CSMD1: variants seen among roughly 807,000 people sequenced by gnomAD.
CSMD1 encodes the protein CUB and sushi domain-containing protein 1.
A neutral mutation model predicts 417.5 loss-of-function variants in CSMD1; 213 were observed. The ratio of observed to expected loss-of-function variants is 0.51; its 90% confidence interval spans 0.46 to 0.57. CSMD1 has a LOEUF of 0.57. CSMD1 is among the 20% of genes least tolerant of loss of function. The pLI, the probability that CSMD1 is intolerant of heterozygous loss-of-function variation, is 0.00. For synonymous variants in CSMD1, 2,862 were observed against 1,736.8 expected (o/e 1.65, Z -16.11); for missense variants, 6,923 against 4,529.7 (o/e 1.53, Z -15.17).
chr8:4,933,688 T>C (rs1033220939), intron 1 of CSMD1, among the ~76,000 whole-genome samples: 1 of 152,208 alleles, frequency 6.6e-6, no homozygotes, highest in African/African-American at 2.4e-5. Context: ...GAAGGAAAGA[T>C]AAATGGATGG....
intron 1 of CSMD1, among the ~76,000 whole-genome samples, chr8:4,900,074 TC>T (rs1804767194): frequency 6.6e-6 from 1 of 152,168 alleles, no homozygotes; most frequent in African/African-American, 2.4e-5. Context: ...CTCTGGTAGT[TC>T]CTTCTGCTTC....
intron 3 of CSMD1, among the ~76,000 whole-genome samples, chr8:4,290,893 C>T (rs1797323779): frequency 6.6e-6 from 1 of 152,202 alleles, no homozygotes; most frequent in Admixed American, 6.5e-5. Flanking sequence ...AATGTCAGCT[C>T]TCTGTAATTC....
intron 25 of CSMD1, among the ~76,000 whole-genome samples, chr8:3,297,825 A>C (rs1804084813): frequency 6.6e-6 from 1 of 152,074 alleles, no homozygotes; most frequent in African/African-American, 2.4e-5. Flanking sequence ...ATATAGTTTA[A>C]AAATTTGCTA....
At chr8:3,574,260 A>G (rs540827998) in intron 10 of CSMD1, among the ~76,000 whole-genome samples, 6 of 152,334 alleles carry the variant, frequency 3.9e-5, no homozygotes, top group Admixed American at 2.0e-4. Flanking sequence ...TCTTTTCTTG[A>G]TATGGAGTCT....
chr8:4,934,000 T>G (rs564005829), intron 1 of CSMD1, among the ~76,000 whole-genome samples: 35 of 74,578 alleles, frequency 4.7e-4, no homozygotes, highest in Non-Finnish European at 1.3e-3. Flanking sequence ...CGTTTATGCT[T>G]TTTTTTTAAA....
intron 6 of CSMD1, among the ~76,000 whole-genome samples, chr8:3,715,900 A>C (rs1290355556): frequency 6.6e-6 from 1 of 152,184 alleles, no homozygotes; most frequent in Non-Finnish European, 1.5e-5. Flanking sequence ...CTTTCCCTCC[A>C]CATTCCTCTG....
At chr8:4,599,570 A>C (rs1474937867) in intron 2 of CSMD1, among the ~76,000 whole-genome samples, 1 of 152,148 alleles carries the variant, frequency 6.6e-6, no homozygotes, top group Non-Finnish European at 1.5e-5. Context: ...CTCATTGATA[A>C]GTTACGTCAA....
At chr8:4,124,905 T>C (rs1249986955) in intron 3 of CSMD1, among the ~76,000 whole-genome samples, 1 of 152,150 alleles carries the variant, frequency 6.6e-6, no homozygotes, top group East Asian at 1.9e-4. Context: ...TAAGGAGATA[T>C]AAGCATAAGA....
intron 5 of CSMD1, among the ~76,000 whole-genome samples, chr8:3,824,503 G>C (rs1427239546): frequency 1.3e-5 from 2 of 152,278 alleles, no homozygotes; most frequent in Admixed American, 6.5e-5. Context: ...CTAGCCATAA[G>C]CAGCCACGAC....
At chr8:4,175,131 G>T (rs950483802) in intron 3 of CSMD1, among the ~76,000 whole-genome samples, 1 of 151,982 alleles carries the variant, frequency 6.6e-6, no homozygotes, top group Non-Finnish European at 1.5e-5. Context: ...CTGAGGAATA[G>T]TGTAAGACCT....
chr8:4,045,873 A>T (rs1798122202), intron 3 of CSMD1, among the ~76,000 whole-genome samples: 1 of 151,666 alleles, frequency 6.6e-6, no homozygotes, highest in African/African-American at 2.4e-5. Flanking sequence ...TTTTTTTTTT[A>T]ATTAGAGTTT....
chr8:4,811,353 T>A (rs1465181150), intron 1 of CSMD1, among the ~76,000 whole-genome samples: 1 of 152,178 alleles, frequency 6.6e-6, no homozygotes, highest in East Asian at 1.9e-4. Flanking sequence ...CTACCTTGAG[T>A]ATTGGCCCCC....
intron 25 of CSMD1, among the ~76,000 whole-genome samples, chr8:3,291,762 C>T (rs747315944): frequency 2.0e-5 from 3 of 152,010 alleles, no homozygotes; most frequent in Non-Finnish European, 2.9e-5. Flanking sequence ...TTTTGTTGAT[C>T]TGTCCAAAAA....
intron 10 of CSMD1, among the ~76,000 whole-genome samples, chr8:3,494,771 G>C (rs1205999267): frequency 1.3e-5 from 2 of 152,124 alleles, no homozygotes; most frequent in East Asian, 1.9e-4. Context: ...AGGGACAGGA[G>C]GAACAGAAAC....
intron 5 of CSMD1, among the ~76,000 whole-genome samples, chr8:3,777,729 C>A (rs1186069642): frequency 6.6e-6 from 1 of 152,166 alleles, no homozygotes; most frequent in East Asian, 1.9e-4. Flanking sequence ...TCTCAGGCCA[C>A]ACTCCAGACC....
chr8:3,212,650 G>T (rs981844667), intron 30 of CSMD1, among the ~76,000 whole-genome samples: 2 of 151,954 alleles, frequency 1.3e-5, no homozygotes, highest in South Asian at 4.2e-4. Flanking sequence ...CACTACACCT[G>T]GCCTAAGTTC....
intron 1 of CSMD1, among the ~76,000 whole-genome samples, chr8:4,712,367 G>A (rs1347561523): frequency 1.3e-5 from 2 of 152,106 alleles, no homozygotes; most frequent in African/African-American, 4.8e-5. Context: ...TTTGTACATG[G>A]CACACACAGA....
chr8:4,247,095 T>C (rs1401142083), intron 3 of CSMD1, among the ~76,000 whole-genome samples: 1 of 152,220 alleles, frequency 6.6e-6, no homozygotes, highest in African/African-American at 2.4e-5. Context: ...TTGTACGGTC[T>C]AGTGAAGAAA....
chr8:4,759,376 G>C (rs1209986717), intron 1 of CSMD1, among the ~76,000 whole-genome samples: 1 of 152,208 alleles, frequency 6.6e-6, no homozygotes, highest in African/African-American at 2.4e-5. Context: ...CAGCATGCAA[G>C]AGGCTATTAT....
Sources: allele counts gnomAD v4.1 joint callset (sites outside exome capture counted in the v4.1 genomes callset), GRCh38; gene constraint gnomAD v4.1.1; transcripts MANE v1.5; gene names NCBI Gene and HGNC (gene_info 2026-07-23, HGNC 2026-07-21).